Variants in EHD4 observed in about 807,000 individuals in gnomAD.
The protein encoded by EHD4 is EH domain containing 4.
Under a neutral mutation model 51.0 loss-of-function variants are expected in EHD4, and 37 were observed. The ratio of observed to expected loss-of-function variants is 0.73; its 90% CI spans 0.56 to 0.95. EHD4 has a LOEUF of 0.95. EHD4 is among the 40% of genes least tolerant of loss of function. The probability of loss-of-function intolerance (pLI) is 0.00; values close to 1 mark genes in which losing one functional copy is unlikely to be tolerated. For synonymous variants in EHD4, 297 were observed against 317.3 expected, an observed-to-expected ratio of 0.94 and a Z score of 0.68; for missense variants, 632 against 733.1, an observed-to-expected ratio of 0.86 and a Z score of 1.59.
At chr15:41,962,405 G>A (rs2067929892) in intron 1 of EHD4, among the ~76,000 whole-genome samples, 1 of 152,058 alleles carries the variant, frequency 6.6e-6, no homozygotes, top group Non-Finnish European at 1.5e-5. Flanking sequence ...GTTGGCATAA[G>A]AATTTACAAA....
chr15:41,964,144 C>CAAA (rs755699829), intron 1 of EHD4, among the ~76,000 whole-genome samples: 40 of 26,466 alleles, frequency 1.5e-3, no homozygotes, highest in Non-Finnish European at 1.8e-3. Context: ...GACTCCATCT[C>CAAA]AAAAAAAAAA....
intron 2 of EHD4, among the ~76,000 whole-genome samples, chr15:41,951,260 A>G (rs1394319932): frequency 1.3e-5 from 2 of 152,250 alleles, no homozygotes; most frequent in African/African-American, 2.4e-5. Flanking sequence ...AGTCTAGAAC[A>G]GAATCTGACA....
chr15:41,900,138 C>T lies in EHD4; in HGVS notation c.*507G>A, dbSNP rs963437440. 1.3e-5 allele frequency: 2 copies of T among 154,094 alleles called. No individual in the cohort carries two copies. Among genetic ancestry groups the T allele is most frequent in the African/African-American group, 4.8e-5 (2 of 41,448 alleles). 9.5% of individuals were successfully genotyped at this position (154,094 alleles called of 1,614,324 possible). On this transcript the variant is annotated 3_prime_UTR_variant, in exon 6 of 6. Transcript: ENST00000220325. This position sits in a 1 kb window ranked among gnomAD's most constrained non-coding sequence, Gnocchi z 4.8. The stretch of plus-strand genomic sequence containing the variant: ...TAGACAGTCTGGAGACAGCAGAAAC[C>T]CTCTGCTCTATTTTTTTGCCACTCT...
intron 4 of EHD4, among the ~76,000 whole-genome samples, chr15:41,914,545 C>T (rs140747139): frequency 5.9e-5 from 9 of 152,110 alleles, no homozygotes; most frequent in East Asian, 1.9e-4. Context: ...TAAAGGGGAC[C>T]GGAGGGGGCT....
chr15:41,939,181 C>T (rs749781670), intron 3 of EHD4, among the ~76,000 whole-genome samples: 4 of 152,100 alleles, frequency 2.6e-5, no homozygotes, highest in Admixed American at 1.3e-4. Flanking sequence ...TTTAGAAAAC[C>T]GCAGGAATCC....
At chr15:41,909,970 A>G in intron 4 of EHD4, 107 bp from the exon 5 acceptor site, 1 of 1,412,296 alleles carries the variant, frequency 7.1e-7, no homozygotes, top group Non-Finnish European at 9.8e-7. Flanking sequence ...AGGTACCCAC[A>G]CAAACCAGGT....
chr15:41,936,501 A>C (rs1414144935), intron 3 of EHD4, among the ~76,000 whole-genome samples: 1 of 152,226 alleles, frequency 6.6e-6, no homozygotes, highest in East Asian at 1.9e-4. Flanking sequence ...TTTTTCTCTG[A>C]TTAATCTCTG....
intron 2 of EHD4, among the ~76,000 whole-genome samples, chr15:41,946,494 T>C (rs914127270): frequency 2.0e-5 from 3 of 152,114 alleles, no homozygotes; most frequent in Admixed American, 1.3e-4. Context: ...CTTTGGAGGC[T>C]GAGTGGGGAC....
At chr15:41,913,257 A>AG (rs915478317) in intron 4 of EHD4, among the ~76,000 whole-genome samples, 4 of 152,330 alleles carry the variant, frequency 2.6e-5, no homozygotes, top group African/African-American at 9.6e-5. Context: ...CAGCCTCCAG[A>AG]GATCACTCCT....
In EHD4 at chr15:41,896,224, C is replaced by T. The variant is rs1464661220; in HGVS notation, c.*4421G>A. The T allele has an allele frequency of 1.3e-5, 2 of 152,202 alleles. No homozygotes were observed. The highest frequency in any genetic ancestry group is 4.8e-5 in the African/African-American group (2 of 41,440). 9.4% of individuals were successfully genotyped at this position (152,202 alleles called of 1,614,324 possible). ...ATGTTGTCACCACAGGCCTGGATTCCTCTGGCCTTTCTCAAGGTCTCTTTC... is the reference window on the plus strand; with the variant it reads ...ATGTTGTCACCACAGGCCTGGATTCTTCTGGCCTTTCTCAAGGTCTCTTTC... On this transcript the variant is annotated 3_prime_UTR_variant, in exon 6 of 6. Coordinates refer to ENST00000220325, the MANE Select transcript of EHD4 (RefSeq NM_139265.4).
intron 4 of EHD4, among the ~76,000 whole-genome samples, chr15:41,917,096 C>CTTATTTATTTATTTATTTAT (rs56087855): frequency 2.1e-5 from 3 of 141,788 alleles, no homozygotes; most frequent in Non-Finnish European, 4.6e-5. Flanking sequence ...CTTTCTGCTC[C>CTTATTTATTTATTTATTTAT]TTATTTATTT....
At chr15:41,907,255 C>T (rs2067518743) in intron 5 of EHD4, among the ~76,000 whole-genome samples, 1 of 152,188 alleles carries the variant, frequency 6.6e-6, no homozygotes, top group African/African-American at 2.4e-5. Context: ...CTCTGTATTT[C>T]TTTATAACTT....
At chr15:41,925,213 G>A (rs2067653639) in intron 3 of EHD4, among the ~76,000 whole-genome samples, 1 of 152,192 alleles carries the variant, frequency 6.6e-6, no homozygotes. Flanking sequence ...AATGGACCAG[G>A]AAGTTGAAAT....
At chr15:41,922,960 G>A (rs1022715499) in intron 3 of EHD4, among the ~76,000 whole-genome samples, 4 of 152,160 alleles carry the variant, frequency 2.6e-5, no homozygotes, top group African/African-American at 4.8e-5. Context: ...AGAAATCACC[G>A]TGTCCAAAAG....
At chr15:41,913,729 T>C (rs2067564776) in intron 4 of EHD4, among the ~76,000 whole-genome samples, 1 of 152,220 alleles carries the variant, frequency 6.6e-6, no homozygotes, top group South Asian at 2.1e-4. Flanking sequence ...AAATAATTAA[T>C]AAACTCTCTC....
chr15:41,918,217 T>TACACACAC (rs10682608), intron 4 of EHD4, among the ~76,000 whole-genome samples: 47,647 of 147,088 alleles, frequency 0.32, 7,765 homozygotes, highest in Middle Eastern at 0.46. Flanking sequence ...CAGGGAGCTT[T>TACACACAC]ACACACACAC....
At position 41,919,631 on chromosome 15, in the gene EHD4, A is replaced by C. The variant is rs925416058; in HGVS notation, c.512-9T>G. The C allele has an allele frequency of 2.0e-6, 3 of 1,508,498 alleles. No individual in the cohort carries two copies. The African/African-American group carries it at 4.2e-5, about 21-fold the overall frequency. The allele number at this position is 1,508,498 out of a possible 1,614,324, so 93.4% of individuals were successfully genotyped here. ...CTGGCAGAAGTCATAGCCTGGGTGG[A>C]GAGAAGGACACGTCAGTGTAGCCAC... On this transcript the variant is annotated splice_polypyrimidine_tract_variant and intron_variant, in intron 3 of 5. Coordinates refer to ENST00000220325, the MANE Select transcript of EHD4 (RefSeq NM_139265.4).
intron 4 of EHD4, among the ~76,000 whole-genome samples, chr15:41,917,007 G>A (rs568192229): frequency 3.9e-5 from 6 of 152,226 alleles, no homozygotes; most frequent in Non-Finnish European, 8.8e-5. Context: ...CCCAGGCCGC[G>A]CTGGCCCGTT....
chr15:41,971,521 T>C (rs748316369), intron 1 of EHD4, among the ~76,000 whole-genome samples: 11 of 152,250 alleles, frequency 7.2e-5, no homozygotes, highest in African/African-American at 2.2e-4. Context: ...TGCACAGTGA[T>C]TGTGTGCTTT....
Sources: allele counts gnomAD v4.1 joint callset (sites outside exome capture counted in the v4.1 genomes callset), GRCh38; gene constraint gnomAD v4.1.1; non-coding constraint Gnocchi (gnomAD v3.1); transcripts MANE v1.5; gene names NCBI Gene and HGNC (gene_info 2026-07-23, HGNC 2026-07-21).